Variants in HERC2 observed in about 807,000 individuals in gnomAD.
The protein encoded by HERC2 is HECT and RLD domain containing E3 ubiquitin protein ligase 2.
In HERC2, 102 loss-of-function variants were observed where a neutral mutation model predicts 537.7. The ratio of observed to expected loss-of-function variants is 0.19; its 90% CI spans 0.16 to 0.22. HERC2 has a LOEUF of 0.22. Ranked by LOEUF, HERC2 falls within the 10% of genes least tolerant of loss-of-function variation. HERC2 has a pLI of 1.00. For synonymous variants in HERC2, 2,224 were observed against 2,466.2 expected, an observed-to-expected ratio of 0.90 and a Z score of 2.91; for missense variants, 4,236 against 6,198.2, an observed-to-expected ratio of 0.68 and a Z score of 10.63.
At chr15:28,248,221 A>G (rs1392413979) in intron 21 of HERC2, among the ~76,000 whole-genome samples, 1 of 152,198 alleles carries the variant, frequency 6.6e-6, no homozygotes, top group Non-Finnish European at 1.5e-5. Flanking sequence ...ATAGGCTGTC[A>G]CTGTTTACTT....
intron 68 of HERC2, 55 bp downstream of exon 68, chr15:28,167,632 T>C: frequency 6.3e-7 from 1 of 1,596,748 alleles, no homozygotes; most frequent in Non-Finnish European, 8.6e-7. Context: ...TTTCTACTTC[T>C]GTGTACATTT....
chr15:28,277,583 G>A (rs895263216), intron 5 of HERC2, among the ~76,000 whole-genome samples: 1 of 152,024 alleles, frequency 6.6e-6, no homozygotes, highest in Non-Finnish European at 1.5e-5. Context: ...AGAAAAATCA[G>A]CTGGGCTCTC....
At chr15:28,272,067 C>T (rs1442311542) in intron 9 of HERC2, 148 bp downstream of exon 9, 1 of 693,946 alleles carries the variant, frequency 1.4e-6, no homozygotes. Context: ...AGTGACCTCC[C>T]ACACCTGTCT....
intron 5 of HERC2, among the ~76,000 whole-genome samples, chr15:28,275,253 T>C (rs1039381143): frequency 1.3e-5 from 2 of 152,218 alleles, no homozygotes; most frequent in Non-Finnish European, 2.9e-5. Flanking sequence ...GGGAAAATGC[T>C]CAAGAAATGA....
intron 83 of HERC2, among the ~76,000 whole-genome samples, chr15:28,126,703 A>C (rs1889527569): frequency 6.6e-6 from 1 of 152,076 alleles, no homozygotes; most frequent in Non-Finnish European, 1.5e-5. Flanking sequence ...GACTTTGGAG[A>C]CTCGGGGGAA....
chr15:28,212,430 G>C lies in HERC2; in HGVS notation c.6925+15C>G. On this transcript the variant is annotated intron_variant, in intron 43 of 92. Coordinates refer to ENST00000261609, the MANE Select transcript of HERC2 (RefSeq NM_004667.6). ...AAGACGGCAGCTATTTCATCAAGAA[G>C]CACCATGTACTGACCTGCAAAGGCC... The C allele has an allele frequency of 1.9e-6, 3 of 1,610,114 alleles. No homozygotes were observed. The highest frequency in any genetic ancestry group is 2.5e-6 in the Non-Finnish European group (3 of 1,178,604).
rs1368564593 is a variant in HERC2 at position 28,256,252 on chromosome 15, G to A, written c.2583C>T (p.Leu861=). 5.0e-6 allele frequency: 8 copies of A among 1,598,686 alleles called. No homozygotes were observed. The highest frequency in any genetic ancestry group is 6.8e-6 in the Non-Finnish European group (8 of 1,179,872). ...CCACCGTCTGCTTCAGGCTGTTCAG[G>A]AGGATGCTGCCCAGACCTAAACCAA... ...EFLGLGLGSI[L]LNSLKQTVVT... is the part of the protein sequence containing the mutation. Residue 861 remains leucine, a synonymous_variant, in exon 18 of 93, where the codon CTC becomes CTT. Transcript: ENST00000261609.
intron 16 of HERC2, among the ~76,000 whole-genome samples, chr15:28,258,419 C>G (rs957922273): frequency 1.3e-4 from 20 of 152,084 alleles, no homozygotes; most frequent in African/African-American, 4.8e-4. Context: ...TTGCCGTGAG[C>G]TGAGATCATG....
chr15:28,214,977 G>C (rs1026690117), intron 39 of HERC2, among the ~76,000 whole-genome samples, 175 bp from the exon 40 acceptor site: 1 of 152,082 alleles, frequency 6.6e-6, no homozygotes, highest in Non-Finnish European at 1.5e-5. Context: ...AGGTTCAAAC[G>C]ATTCTCCTTG....
chr15:28,308,974 A>G lies in HERC2; in HGVS notation c.73-9458T>C, dbSNP rs142247617. Among the ~76,000 whole-genome samples, 863 of 152,308 alleles carry G rather than the reference A, an allele frequency of 5.7e-3. 5 individuals carry two copies. Among genetic ancestry groups the G allele is most frequent in the African/African-American group, 0.02 (815 of 41,534 alleles). The stretch of plus-strand genomic sequence containing the variant: ...TATTTTGTTGAGGATATTTGCATCA[A>G]TATTCATCAGAGACATTGGCCTGTA... On this transcript the variant is annotated intron_variant, in intron 2 of 92. Transcript: ENST00000261609.
intron 16 of HERC2, among the ~76,000 whole-genome samples, chr15:28,259,323 G>A (rs1395105296): frequency 1.3e-5 from 2 of 151,796 alleles, no homozygotes; most frequent in African/African-American, 4.9e-5. Flanking sequence ...TCAAACTCCT[G>A]ACCTCAGGTG....
intron 65 of HERC2, among the ~76,000 whole-genome samples, chr15:28,173,409 A>AT (rs1360547244): frequency 6.6e-6 from 1 of 152,238 alleles, no homozygotes; most frequent in Admixed American, 6.5e-5. Flanking sequence ...CTATCGATAC[A>AT]TGCAACATAA....
At chr15:28,248,803 G>A in intron 20 of HERC2, 67 bp from the exon 21 acceptor site, 1 of 1,256,794 alleles carries the variant, frequency 8.0e-7, no homozygotes, top group Non-Finnish European at 1.1e-6. Flanking sequence ...AATGGGATGG[G>A]GTAAATCATG....
At chr15:28,278,852 T>C (rs1199223428) in intron 5 of HERC2, among the ~76,000 whole-genome samples, 1 of 152,174 alleles carries the variant, frequency 6.6e-6, no homozygotes, top group East Asian at 1.9e-4. Context: ...AGTTTAACCT[T>C]CTGAGGACAA....
chr15:28,169,653 C>T lies in HERC2; in HGVS notation c.10060G>A (p.Val3354Met), dbSNP rs748208313. The T allele has an allele frequency of 9.4e-6, 15 of 1,601,564 alleles. No individual in the cohort carries two copies. The highest frequency in any genetic ancestry group is 2.2e-5 in the East Asian group (1 of 44,782). The change falls in exon 66 of 93, where the codon GTG (valine) becomes ATG (methionine). Residue 3354 changes from valine (V) to methionine (M), a missense_variant and splice_region_variant. Val to Met is a conservative substitution (Grantham distance 21). Transcript: ENST00000261609. ...RDPLGASYLG[V>M]PSDADSSAAS... ...GCAGAAGAATCAGCATCTGAAGGCA[C>T]GCCTATAAGAGGAAAATAAAATTTG... is the stretch of plus-strand genomic sequence containing the variant.
intron 4 of HERC2, among the ~76,000 whole-genome samples, chr15:28,287,182 G>A (rs1275690018): frequency 1.3e-5 from 2 of 152,066 alleles, no homozygotes; most frequent in Non-Finnish European, 2.9e-5. Flanking sequence ...AATTCCTATG[G>A]CTCAAATTAA....
chr15:28,246,987 C>T, intron 21 of HERC2, 90 bp from the exon 22 acceptor site: 1 of 1,106,606 alleles, frequency 9.0e-7, no homozygotes, highest in Non-Finnish European at 1.3e-6. Flanking sequence ...TTCTCATCTA[C>T]ACATCTTTTA....
intron 83 of HERC2, among the ~76,000 whole-genome samples, chr15:28,126,677 T>C (rs545736907): frequency 6.6e-6 from 1 of 152,160 alleles, no homozygotes; most frequent in East Asian, 1.9e-4. Flanking sequence ...TGCAACGGCA[T>C]AAGAATGACA....
At chr15:28,303,790 C>T (rs112532327) in intron 2 of HERC2, among the ~76,000 whole-genome samples, 2,967 of 152,084 alleles carry the variant, frequency 0.02, 63 homozygotes, top group African/African-American at 0.068. Context: ...TTTATTCCTA[C>T]GTATTTTACT....
Sources: allele counts gnomAD v4.1 joint callset (sites outside exome capture counted in the v4.1 genomes callset), GRCh38; gene constraint gnomAD v4.1.1; transcripts MANE v1.5; gene names NCBI Gene and HGNC (gene_info 2026-07-23, HGNC 2026-07-21).